The following CACNB2 variants were observed in gnomAD, a reference collection of about 807,000 sequenced individuals.
CACNB2 encodes calcium voltage-gated channel auxiliary subunit beta 2.
A neutral mutation model predicts 73.3 loss-of-function variants in CACNB2; 42 were observed. The observed-to-expected ratio is 0.57, with a 90% confidence interval of 0.45 to 0.74. CACNB2 has a LOEUF of 0.74. Among genes scored for constraint, CACNB2 ranks in the 30% least tolerant of loss-of-function variants. The pLI, the probability that CACNB2 is intolerant of heterozygous loss-of-function variation, is 0.00. For synonymous variants in CACNB2, 348 were observed against 310.3 expected, an observed-to-expected ratio of 1.12 and a Z score of -1.28; for missense variants, 940 against 853.0, an observed-to-expected ratio of 1.10 and a Z score of -1.27.
intron 2 of CACNB2, among the ~76,000 whole-genome samples, chr10:18,389,883 A>T (rs1478767107): frequency 6.6e-6 from 1 of 152,206 alleles, no homozygotes; most frequent in Non-Finnish European, 1.5e-5. Context: ...CCAGATGCTT[A>T]TGGCTAATTG....
At chr10:18,342,055 A>G (rs945338649) in intron 2 of CACNB2, among the ~76,000 whole-genome samples, 4 of 152,168 alleles carry the variant, frequency 2.6e-5, no homozygotes, top group Admixed American at 2.0e-4. Flanking sequence ...CCCACCTATC[A>G]AATGCTACTC....
intron 2 of CACNB2, among the ~76,000 whole-genome samples, chr10:18,339,933 C>T (rs966426401): frequency 1.3e-5 from 2 of 152,176 alleles, no homozygotes; most frequent in Admixed American, 1.3e-4. Context: ...TCACCAAGAT[C>T]TGAGATTTTC....
intron 5 of CACNB2, among the ~76,000 whole-genome samples, chr10:18,501,495 A>T (rs1446266080): frequency 1.3e-5 from 2 of 152,272 alleles, no homozygotes; most frequent in African/African-American, 4.8e-5. Flanking sequence ...TAGATGAGTT[A>T]TGTAAGAAGC....
At chr10:18,447,907 C>T (rs10828711) in intron 3 of CACNB2, among the ~76,000 whole-genome samples, 89,696 of 151,836 alleles carry the variant, frequency 0.59, 28,050 homozygotes, top group South Asian at 0.71. Flanking sequence ...TTTTTGTTTT[C>T]TTTTAAGGGC....
At chr10:18,189,956 A>G (rs1309835248) in intron 2 of CACNB2, among the ~76,000 whole-genome samples, 1 of 152,214 alleles carries the variant, frequency 6.6e-6, no homozygotes. Context: ...GTTTTTAGAC[A>G]GTTGAGTTCA....
intron 2 of CACNB2, among the ~76,000 whole-genome samples, chr10:18,244,065 G>A (rs538564449): frequency 6.6e-6 from 1 of 152,274 alleles, no homozygotes; most frequent in East Asian, 1.9e-4. Flanking sequence ...AATGCAATGT[G>A]GCAAGGAAGA....
rs565368210 is a variant in CACNB2, at chr10:18,472,459, A to G, written c.334-25896A>G. ...ACCATGTTGGCCAGGCTGGTCTTGA[A>G]TTCCTGACCTCAGGTGATCCGCCCG... On this transcript the variant is annotated intron_variant, in intron 3 of 13. Transcript: ENST00000324631. Among the ~76,000 whole-genome samples the G allele has an allele frequency of 3.3e-5, 5 of 152,124 alleles. No individual in the cohort carries two copies. In the East Asian group the frequency reaches 9.7e-4, roughly 30 times the overall value.
At chr10:18,518,210 G>A (rs1473534972) in intron 7 of CACNB2, 126 bp from the exon 8 acceptor site, 1 of 761,312 alleles carries the variant, frequency 1.3e-6, no homozygotes, top group East Asian at 2.5e-5. Context: ...AGAGGCAAGT[G>A]GGGAAAATAA....
intron 1 of CACNB2, among the ~76,000 whole-genome samples, chr10:18,147,777 G>A (rs569479876): frequency 1.7e-4 from 26 of 151,544 alleles, no homozygotes; most frequent in Middle Eastern, 3.4e-3. Flanking sequence ...TGTCTTTTCC[G>A]TTTGGGAGAG....
chr10:18,404,515 G>A (rs1453324096), intron 3 of CACNB2, among the ~76,000 whole-genome samples: 2 of 152,102 alleles, frequency 1.3e-5, no homozygotes, highest in Non-Finnish European at 2.9e-5. Context: ...AAAACACTTT[G>A]CACAGCCATT....
intron 2 of CACNB2, among the ~76,000 whole-genome samples, chr10:18,327,038 AT>A (rs34029573): frequency 2.0e-5 from 3 of 151,530 alleles, no homozygotes; most frequent in South Asian, 2.1e-4. Context: ...GAAAGTAATG[AT>A]TTTTTTTTAA....
intron 3 of CACNB2, among the ~76,000 whole-genome samples, chr10:18,441,340 G>A (rs2132944450): frequency 6.6e-6 from 1 of 152,294 alleles, no homozygotes; most frequent in East Asian, 1.9e-4. Flanking sequence ...GGGAGTCAGA[G>A]GTTACAGTGA....
At chr10:18,456,754 G>T (rs1258959879) in intron 3 of CACNB2, among the ~76,000 whole-genome samples, 1 of 152,150 alleles carries the variant, frequency 6.6e-6, no homozygotes, top group African/African-American at 2.4e-5. Flanking sequence ...TTGTCCTTTT[G>T]TGACTGGCTA....
chr10:18,186,217 C>T (rs967144131), intron 2 of CACNB2, among the ~76,000 whole-genome samples: 1 of 151,922 alleles, frequency 6.6e-6, no homozygotes, highest in Non-Finnish European at 1.5e-5. Context: ...GTCAGGAGTT[C>T]GAGACCAGCC....
At chr10:18,341,657 A>C (rs2041238376) in intron 2 of CACNB2, among the ~76,000 whole-genome samples, 1 of 152,262 alleles carries the variant, frequency 6.6e-6, no homozygotes, top group Non-Finnish European at 1.5e-5. Flanking sequence ...TCATAAAGTT[A>C]CAAATATCTG....
At chr10:18,365,969 C>A (rs780231416) in intron 2 of CACNB2, among the ~76,000 whole-genome samples, 8 of 152,222 alleles carry the variant, frequency 5.3e-5, no homozygotes, top group Non-Finnish European at 1.2e-4. Flanking sequence ...TCACTTCTCA[C>A]AAACACTCAC....
At chr10:18,398,706 C>G (rs1268961592) in intron 2 of CACNB2, among the ~76,000 whole-genome samples, 1 of 132,222 alleles carries the variant, frequency 7.6e-6, no homozygotes, top group East Asian at 2.1e-4. Flanking sequence ...CACACACACA[C>G]ACACACACAA....
chr10:18,367,548 G>A (rs2042406029), intron 2 of CACNB2, among the ~76,000 whole-genome samples: 1 of 152,012 alleles, frequency 6.6e-6, no homozygotes, highest in African/African-American at 2.4e-5. Context: ...TAAACTGTTA[G>A]TGAAACCTCA....
At chr10:18,362,761 G>A (rs986772184) in intron 2 of CACNB2, among the ~76,000 whole-genome samples, 2 of 152,106 alleles carry the variant, frequency 1.3e-5, no homozygotes, top group African/African-American at 4.8e-5. Context: ...TACCAAAAAT[G>A]TACAAAAATG....
Sources: gnomAD v4.1 joint callset for allele counts (sites outside exome capture counted in the v4.1 genomes callset) on GRCh38, gnomAD v4.1.1 for gene constraint, MANE v1.5 for transcripts, NCBI Gene and HGNC (gene_info 2026-07-23, HGNC 2026-07-21) for gene names.